CCDC148: variants seen among roughly 807,000 people sequenced by gnomAD.
CCDC148 encodes coiled-coil domain containing 148.
In CCDC148, 89 loss-of-function variants were observed where a neutral mutation model predicts 85.7. The ratio of observed to expected loss-of-function variants is 1.04; its 90% CI spans 0.87 to 1.24. The LOEUF is 1.24. CCDC148 is among the 50% of genes most tolerant of loss of function. The pLI, the probability that CCDC148 is intolerant of heterozygous loss-of-function variation, is 0.00. For missense variants in CCDC148, 692 were observed against 671.7 expected, an observed-to-expected ratio of 1.03 and a Z score of -0.33; for synonymous variants, 230 against 213.9, an observed-to-expected ratio of 1.08 and a Z score of -0.66.
At chr2:158,445,417 G>A (rs1688119105) in intron 1 of CCDC148, among the ~76,000 whole-genome samples, 1 of 152,134 alleles carries the variant, frequency 6.6e-6, no homozygotes, top group Non-Finnish European at 1.5e-5. Flanking sequence ...ACCTTTCTCA[G>A]TCTGAATCAC....
At chr2:158,304,725 T>G (rs1691602478) in intron 9 of CCDC148, among the ~76,000 whole-genome samples, 1 of 152,096 alleles carries the variant, frequency 6.6e-6, no homozygotes, top group African/African-American at 2.4e-5. Context: ...TCAGGACTTT[T>G]CCTGAACTCA....
chr2:158,417,396 C>T (rs1009988143), intron 1 of CCDC148, among the ~76,000 whole-genome samples: 1 of 152,208 alleles, frequency 6.6e-6, no homozygotes, highest in African/African-American at 2.4e-5. Context: ...CAGCTACTAC[C>T]CCTTGGATTC....
At chr2:158,334,350 C>T (rs1057391230) in intron 7 of CCDC148, among the ~76,000 whole-genome samples, 16 of 152,108 alleles carry the variant, frequency 1.1e-4, no homozygotes, top group African/African-American at 3.6e-4. Flanking sequence ...TTTGATAGAT[C>T]AAAGACATCT....
rs1295585711 is a variant in CCDC148 at position 158,313,738 on chromosome 2, G to C, written c.903+18C>G. The C allele has an allele frequency of 6.3e-7, 1 of 1,598,916 alleles. No homozygotes were observed. Among genetic ancestry groups the C allele is most frequent in the Admixed American group, 1.7e-5 (1 of 57,562 alleles). On this transcript the variant is annotated intron_variant, in intron 8 of 13. Transcript: ENST00000283233. ...AAACAATTTAACTTGCCAGTATGTA[G>C]GTAGGTCCAGTACTCACCAAATCAT...
chr2:158,297,137 G>C (rs1450665874), intron 9 of CCDC148, among the ~76,000 whole-genome samples: 1 of 152,068 alleles, frequency 6.6e-6, no homozygotes, highest in East Asian at 1.9e-4. Flanking sequence ...GCCTTAAATT[G>C]GCAGAAACTA....
intron 1 of CCDC148, among the ~76,000 whole-genome samples, chr2:158,404,035 TC>T (rs2105308337): frequency 6.6e-6 from 1 of 152,256 alleles, no homozygotes; most frequent in South Asian, 2.1e-4. Context: ...AAAATAGCAT[TC>T]CGATACAGTT....
chr2:158,191,734 C>G (rs925013235), intron 11 of CCDC148, among the ~76,000 whole-genome samples: 1 of 151,978 alleles, frequency 6.6e-6, no homozygotes. Flanking sequence ...TCACACCTAC[C>G]TTAGCAGTTT....
At chr2:158,309,338 A>T in intron 9 of CCDC148, 95 bp downstream of exon 9, 3 of 1,083,872 alleles carry the variant, frequency 2.8e-6, no homozygotes, top group Non-Finnish European at 4.0e-6. Flanking sequence ...TTTGTTTTTT[A>T]AGAGAAACTG....
intron 10 of CCDC148, among the ~76,000 whole-genome samples, chr2:158,236,456 ATTTGCCTG>A (rs1205571123): frequency 1.6e-4 from 24 of 152,206 alleles, no homozygotes; most frequent in Admixed American, 1.6e-3. Flanking sequence ...GCTGAAATGA[ATTTGCCTG>A]TAATCCTGTT....
intron 1 of CCDC148, among the ~76,000 whole-genome samples, chr2:158,424,563 G>A (rs891427567): frequency 2.0e-5 from 3 of 151,958 alleles, no homozygotes; most frequent in Admixed American, 6.6e-5. Context: ...ACCAGGGCCT[G>A]TCATGGGGTG....
chr2:158,389,993 C>T (rs1685240098), intron 1 of CCDC148, among the ~76,000 whole-genome samples: 1 of 152,126 alleles, frequency 6.6e-6, no homozygotes, highest in Admixed American at 6.6e-5. Flanking sequence ...TGATCAAGGT[C>T]ATTTCTTAGC....
chr2:158,389,533 A>G (rs1331550207), intron 1 of CCDC148, among the ~76,000 whole-genome samples: 1 of 152,198 alleles, frequency 6.6e-6, no homozygotes, highest in Non-Finnish European at 1.5e-5. Flanking sequence ...TTTCAAAAGC[A>G]CTTATCCATG....
intron 11 of CCDC148, among the ~76,000 whole-genome samples, chr2:158,188,653 T>G (rs779943654): frequency 2.0e-5 from 3 of 151,974 alleles, no homozygotes; most frequent in Admixed American, 6.6e-5. Context: ...GAAGAAAATC[T>G]AGGAAATACT....
intron 9 of CCDC148, among the ~76,000 whole-genome samples, chr2:158,292,689 G>C (rs1286598082): frequency 3.3e-5 from 5 of 152,298 alleles, no homozygotes; most frequent in Admixed American, 6.5e-5. Flanking sequence ...TGAGTTTCTT[G>C]CTGGAGAAAA....
intron 10 of CCDC148, among the ~76,000 whole-genome samples, chr2:158,243,770 G>C (rs1688448957): frequency 6.6e-6 from 1 of 152,140 alleles, no homozygotes; most frequent in South Asian, 2.1e-4. Context: ...TTCCAATCTA[G>C]ATAGGTCAAG....
At chr2:158,286,253 G>A (rs1257524252) in intron 9 of CCDC148, among the ~76,000 whole-genome samples, 74 of 151,980 alleles carry the variant, frequency 4.9e-4, no homozygotes, top group Non-Finnish European at 2.9e-5. Flanking sequence ...TAGCACCTCT[G>A]CAAAGAAACA....
chr2:158,385,341 G>C (rs1685043360), intron 1 of CCDC148, among the ~76,000 whole-genome samples: 1 of 152,268 alleles, frequency 6.6e-6, no homozygotes, highest in Admixed American at 6.5e-5. Flanking sequence ...GAATTACACA[G>C]AACATATATG....
At chr2:158,425,768 G>A (rs904135069) in intron 1 of CCDC148, among the ~76,000 whole-genome samples, 4 of 152,070 alleles carry the variant, frequency 2.6e-5, no homozygotes, top group African/African-American at 9.7e-5. Context: ...TGCTCTTAAG[G>A]CTTCATCTGT....
intron 1 of CCDC148, among the ~76,000 whole-genome samples, chr2:158,397,653 C>T (rs564204768): frequency 1.2e-4 from 19 of 152,176 alleles, no homozygotes; most frequent in Middle Eastern, 3.4e-3. Flanking sequence ...AAGGAACAAC[C>T]GGTACCAGCC....
Sources: gnomAD v4.1 joint callset for allele counts (sites outside exome capture counted in the v4.1 genomes callset) on GRCh38, gnomAD v4.1.1 for gene constraint, MANE v1.5 for transcripts, NCBI Gene and HGNC (gene_info 2026-07-23, HGNC 2026-07-21) for gene names.